The following UNC13B variants were observed in gnomAD, a reference collection of about 807,000 sequenced individuals.
UNC13B encodes unc-13 homolog B, also known as protein unc-13 homolog B.
Under a neutral mutation model 211.0 loss-of-function variants are expected in UNC13B, and 144 were observed. The observed-to-expected ratio is 0.68, with a 90% CI of 0.60 to 0.78. The LOEUF (loss-of-function observed/expected upper bound fraction) is 0.78, where lower values mean the gene tolerates loss of function less well. Among genes scored for constraint, UNC13B ranks in the 30% least tolerant of loss-of-function variants. The probability of loss-of-function intolerance (pLI) is 0.00; values close to 1 mark genes in which losing one functional copy is unlikely to be tolerated. For missense variants in UNC13B, 1,777 were observed against 2,002.0 expected (o/e 0.89, Z 2.14); for synonymous variants, 709 against 725.8 (o/e 0.98, Z 0.37).
rs931656188 is a variant in UNC13B at position 35,289,104 on chromosome 9, T to C, written c.527-6592T>C. On this transcript the variant is annotated intron_variant, in intron 7 of 39. Coordinates refer to ENST00000635942, the MANE Select transcript of UNC13B (RefSeq NM_001371189.2). ...AAGCCAACATATCCTTTCTGAGAGGTGAGAAGAAGAGACATAGGTGGTCGG... is the reference window on the plus strand; with the variant it reads ...AAGCCAACATATCCTTTCTGAGAGGCGAGAAGAAGAGACATAGGTGGTCGG... Among the ~76,000 whole-genome samples, 31 of 151,874 alleles carry C rather than the reference T, an allele frequency of 2.0e-4. 1 individual carries two copies. The South Asian group carries it at 5.0e-3, about 24-fold the overall frequency.
In UNC13B at chr9:35,306,220, C is replaced by T. The variant is rs1216508326; in HGVS notation, c.6816C>T (p.Ala2272=). The T allele has an allele frequency of 5.0e-6, 2 of 398,804 alleles. No homozygotes were observed. Among genetic ancestry groups the T allele is most frequent in the East Asian group, 3.6e-5 (1 of 28,094 alleles). 24.7% of individuals were successfully genotyped at this position (398,804 alleles called of 1,614,324 possible). ...CCAGTGGTCATAGAGATAGCATAGC[C>T]CAAGAAGTAGTTCATGAACAGCAAA... The part of the protein sequence containing the change: ...ESSSGHRDSI[A]QEVVHEQQMA... The change falls in exon 9 of 40, where the codon GCC becomes GCT. Residue 2272 remains alanine (A), a synonymous_variant. Transcript: ENST00000635942.
At chr9:35,205,210 G>T (rs150582309) in intron 1 of UNC13B, among the ~76,000 whole-genome samples, 1 of 152,036 alleles carries the variant, frequency 6.6e-6, no homozygotes, top group Non-Finnish European at 1.5e-5. Context: ...TTCCCCAGCC[G>T]TGCTTCCTGT....
intron 32 of UNC13B, 24 bp from the exon 33 acceptor site, chr9:35,398,858 G>GC: frequency 6.2e-7 from 1 of 1,606,556 alleles, no homozygotes; most frequent in Non-Finnish European, 8.5e-7. Flanking sequence ...GGAGGGAAAG[G>GC]CTACACTGCG....
At chr9:35,194,948 G>A (rs6476476) in intron 1 of UNC13B, among the ~76,000 whole-genome samples, 3,961 of 152,234 alleles carry the variant, frequency 0.026, 174 homozygotes, top group African/African-American at 0.088. Flanking sequence ...AGCAAAAGGT[G>A]GACTGGCGGC....
At chr9:35,190,376 C>T (rs1242419569) in intron 1 of UNC13B, among the ~76,000 whole-genome samples, 2 of 152,134 alleles carry the variant, frequency 1.3e-5, no homozygotes, top group Admixed American at 1.3e-4. Context: ...AAGTATATCT[C>T]CTACCTAGTT....
intron 1 of UNC13B, among the ~76,000 whole-genome samples, chr9:35,170,694 A>G (rs1001619892): frequency 1.3e-5 from 2 of 151,468 alleles, no homozygotes; most frequent in Non-Finnish European, 2.9e-5. Flanking sequence ...CTGGTCTTGA[A>G]CTCTTGGGCT....
In UNC13B at chr9:35,396,941, A is replaced by C. The variant is rs773141096; in HGVS notation, c.11532+4A>C. 37 of 1,613,984 alleles carry C rather than the reference A, an allele frequency of 2.3e-5. No homozygotes were observed. Among genetic ancestry groups the C allele is most frequent in the Non-Finnish European group, 2.4e-5 (28 of 1,179,984 alleles). ...GGAACGAGATAAGAAGGATGGAGTA[A>C]GTCAGGGGCTTTGGCTGCACCGGGT... On this transcript the variant is annotated splice_donor_region_variant and intron_variant, in intron 28 of 39. Transcript: ENST00000635942.
rs1187811689 is a variant in UNC13B at position 35,272,237 on chromosome 9, TG to T, written c.526+13188del. Among the ~76,000 whole-genome samples the T allele has an allele frequency of 7.9e-5, 12 of 151,124 alleles. No individual in the cohort carries two copies. The South Asian group carries it at 1.0e-3, about 13-fold the overall frequency. On this transcript the variant is annotated intron_variant, in intron 7 of 39. Coordinates refer to ENST00000635942, the MANE Select transcript of UNC13B (RefSeq NM_001371189.2). ...GTTTTTTTTTTTGGTTGTTTCATTT[TG>T]TTTTTTTTGTTTTTTTTTGTTTTTG...
chr9:35,200,093 A>G (rs571884481), intron 1 of UNC13B, among the ~76,000 whole-genome samples: 2 of 152,346 alleles, frequency 1.3e-5, no homozygotes, highest in South Asian at 2.1e-4. Context: ...TTTATTAAAT[A>G]GGGAATCCTT....
intron 1 of UNC13B, among the ~76,000 whole-genome samples, chr9:35,210,379 G>C (rs1375741723): frequency 6.6e-6 from 1 of 152,196 alleles, no homozygotes; most frequent in Non-Finnish European, 1.5e-5. Context: ...ACATAAAGCT[G>C]ATGGGTACTA....
chr9:35,290,004 A>C (rs1829009393), intron 7 of UNC13B, among the ~76,000 whole-genome samples: 1 of 152,134 alleles, frequency 6.6e-6, no homozygotes, highest in Non-Finnish European at 1.5e-5. Context: ...ATTCTTAATT[A>C]TGAAGCTATT....
At chr9:35,174,046 A>T (rs1285021239) in intron 1 of UNC13B, among the ~76,000 whole-genome samples, 4 of 152,298 alleles carry the variant, frequency 2.6e-5, no homozygotes, top group African/African-American at 9.6e-5. Flanking sequence ...ATGAGTACTT[A>T]TTTTAATATA....
intron 1 of UNC13B, among the ~76,000 whole-genome samples, chr9:35,181,819 G>C (rs1821956112): frequency 1.3e-5 from 2 of 152,120 alleles, no homozygotes. Flanking sequence ...GTGGGTGACA[G>C]AGACTCTGTC....
chr9:35,312,633 A>C (rs1053060345), intron 10 of UNC13B, among the ~76,000 whole-genome samples: 14 of 152,202 alleles, frequency 9.2e-5, no homozygotes, highest in African/African-American at 2.9e-4. Flanking sequence ...GTTTTACAAC[A>C]GTTGACACAT....
intron 6 of UNC13B, among the ~76,000 whole-genome samples, chr9:35,246,784 T>G (rs1826127780): frequency 1.3e-5 from 2 of 152,204 alleles, no homozygotes; most frequent in Admixed American, 6.5e-5. Context: ...TCAGGTAGCA[T>G]GATGCCTCCA....
In UNC13B at chr9:35,385,758, A is replaced by G. The variant is rs1410116145; in HGVS notation, c.10910A>G (p.Gln3637Arg). ...CCTGCTGGGAGTCCTGAACGGCTTCAGGACTTAAAATCCACAGTGGATTTG... is the reference window on the plus strand; with the variant it reads ...CCTGCTGGGAGTCCTGAACGGCTTCGGGACTTAAAATCCACAGTGGATTTG... ...NFPAGSPERLQDLKSTVDLLT... is the reference protein window; with the variant it reads ...NFPAGSPERLRDLKSTVDLLT... The change falls in exon 23 of 40, where the codon CAG becomes CGG. Residue 3637 changes from glutamine (Q) to arginine (R), a missense_variant. Physicochemically the swap from Gln to Arg is conservative, Grantham distance 43. Coordinates refer to ENST00000635942, the MANE Select transcript of UNC13B (RefSeq NM_001371189.2). 1 of 1,610,078 alleles carries G rather than the reference A, an allele frequency of 6.2e-7. No homozygotes were observed. The highest frequency in any genetic ancestry group is 1.1e-5 in the South Asian group (1 of 90,932).
At chr9:35,339,910 A>G (rs1564146798) in intron 11 of UNC13B, among the ~76,000 whole-genome samples, 2 of 152,214 alleles carry the variant, frequency 1.3e-5, no homozygotes, top group African/African-American at 4.8e-5. Flanking sequence ...CCTCTGGGGA[A>G]TCTTTCCCAC....
intron 1 of UNC13B, among the ~76,000 whole-genome samples, chr9:35,194,657 A>C (rs1822839823): frequency 6.6e-6 from 1 of 152,126 alleles, no homozygotes; most frequent in African/African-American, 2.4e-5. Flanking sequence ...TTTAGTTCTA[A>C]AGTGGAGGCC....
chr9:35,378,312 C>A lies in UNC13B; in HGVS notation c.10081C>A (p.Leu3361Ile). 6.2e-7 allele frequency: 1 copy of A among 1,614,144 alleles called. No individual in the cohort carries two copies. Among genetic ancestry groups the A allele is most frequent in the Non-Finnish European group, 8.5e-7 (1 of 1,180,032 alleles). The change falls in exon 17 of 40, where the codon CTA (leucine) becomes ATA (isoleucine). Residue 3361 changes from leucine to isoleucine, a missense_variant. Coordinates refer to ENST00000635942, the MANE Select transcript of UNC13B (RefSeq NM_001371189.2). Reference sequence around the variant, plus strand: ...GGTTGCAGTGGTGTGTGCCCAGGGCCTACAAGCCAAGGACAAAACAGGATC... The same window carrying A: ...GGTTGCAGTGGTGTGTGCCCAGGGCATACAAGCCAAGGACAAAACAGGATC... ...ITITVVCAQG[L>I]QAKDKTGSSD...
Sources: allele counts gnomAD v4.1 joint callset (sites outside exome capture counted in the v4.1 genomes callset), GRCh38; gene constraint gnomAD v4.1.1; transcripts MANE v1.5; gene names NCBI Gene and HGNC (gene_info 2026-07-23, HGNC 2026-07-21).